PAPPA: variants seen among roughly 807,000 people sequenced by gnomAD.
The protein encoded by PAPPA is pappalysin 1.
In PAPPA, 60 loss-of-function variants were observed where a neutral mutation model predicts 164.0. The observed-to-expected ratio is 0.37, with a 90% CI of 0.30 to 0.45. The LOEUF (loss-of-function observed/expected upper bound fraction) is 0.45, where lower values mean the gene tolerates loss of function less well. PAPPA is among the 20% of genes least tolerant of loss of function. The probability of loss-of-function intolerance (pLI) is 1.00; values close to 1 mark genes in which losing one functional copy is unlikely to be tolerated. For missense variants in PAPPA, 1,782 were observed against 2,087.3 expected (o/e 0.85, Z 2.85); for synonymous variants, 875 against 814.1 (o/e 1.07, Z -1.27).
intron 7 of PAPPA, among the ~76,000 whole-genome samples, chr9:116,246,989 A>T (rs1844804295): frequency 6.6e-6 from 1 of 152,028 alleles, no homozygotes; most frequent in African/African-American, 2.4e-5. Context: ...GTACCACTGC[A>T]CTCCAGCTTG....
chr9:116,171,270 C>G (rs898482957), intron 1 of PAPPA, among the ~76,000 whole-genome samples: 1 of 152,222 alleles, frequency 6.6e-6, no homozygotes, highest in Non-Finnish European at 1.5e-5. Flanking sequence ...TGAGCCTTCA[C>G]ATTCTGTGTA....
At chr9:116,222,162 C>T (rs536803325) in intron 5 of PAPPA, among the ~76,000 whole-genome samples, 12 of 152,266 alleles carry the variant, frequency 7.9e-5, no homozygotes, top group African/African-American at 2.9e-4. Context: ...AAAGAGATTG[C>T]TACACTCCCA....
intron 6 of PAPPA, among the ~76,000 whole-genome samples, chr9:116,234,737 G>T (rs1456738011): frequency 6.6e-6 from 1 of 152,168 alleles, no homozygotes; most frequent in Non-Finnish European, 1.5e-5. Flanking sequence ...ATATTTGGGA[G>T]CCTTAGTTTT....
chr9:116,230,888 A>T (rs1844582893), intron 6 of PAPPA, among the ~76,000 whole-genome samples: 1 of 152,224 alleles, frequency 6.6e-6, no homozygotes, highest in Non-Finnish European at 1.5e-5. Flanking sequence ...ATGCAAGTAT[A>T]AAATAGATCC....
At chr9:116,165,879 T>A (rs1403733247) in intron 1 of PAPPA, among the ~76,000 whole-genome samples, 1 of 152,252 alleles carries the variant, frequency 6.6e-6, no homozygotes, top group Non-Finnish European at 1.5e-5. Flanking sequence ...GTTCCCACTA[T>A]GCTTTCTGCA....
rs74913031 is a variant in PAPPA at position 116,282,464 on chromosome 9, A to G, written c.2953+11048A>G. On this transcript the variant is annotated intron_variant, in intron 9 of 21. Coordinates refer to ENST00000328252, the MANE Select transcript of PAPPA (RefSeq NM_002581.5). Reference sequence around the variant, plus strand: ...CATCTCAGACAAAAGTCATAATAGTATACATAACTCAAATTATTAATTTAA... The same window carrying G: ...CATCTCAGACAAAAGTCATAATAGTGTACATAACTCAAATTATTAATTTAA... 2.7e-3 allele frequency among the ~76,000 whole-genome samples: 416 copies of G among 152,350 alleles called. 1 individual carries two copies. Among genetic ancestry groups the G allele is most frequent in the Non-Finnish European group, 4.9e-3 (332 of 68,040 alleles).
chr9:116,298,936 T>A (rs1564215421), intron 9 of PAPPA, among the ~76,000 whole-genome samples: 2 of 152,190 alleles, frequency 1.3e-5, no homozygotes, highest in African/African-American at 4.8e-5. Context: ...CCAAGTAAAT[T>A]GATGTAATGA....
At chr9:116,364,618 A>G (rs1215943764) in intron 18 of PAPPA, among the ~76,000 whole-genome samples, 1 of 152,216 alleles carries the variant, frequency 6.6e-6, no homozygotes, top group Non-Finnish European at 1.5e-5. Context: ...TTATGTCCCA[A>G]AACATATCAA....
chr9:116,246,703 A>T (rs1180218505), intron 7 of PAPPA, among the ~76,000 whole-genome samples: 1 of 152,182 alleles, frequency 6.6e-6, no homozygotes, highest in East Asian at 1.9e-4. Flanking sequence ...TTTGCTAAAA[A>T]GCAAGGTTAT....
chr9:116,168,063 G>A (rs1843735713), intron 1 of PAPPA, among the ~76,000 whole-genome samples: 2 of 152,170 alleles, frequency 1.3e-5, no homozygotes, highest in Non-Finnish European at 2.9e-5. Flanking sequence ...TTTACAGTGT[G>A]GGGTGATAGT....
In PAPPA at chr9:116,390,706, G is replaced by A. The variant is rs561727219; in HGVS notation, c.4777-5803G>A. Among the ~76,000 whole-genome samples the A allele has an allele frequency of 3.4e-3, 510 of 151,818 alleles. 1 individual carries two copies. Among genetic ancestry groups the A allele is most frequent in the African/African-American group, 0.011 (456 of 41,374 alleles). On this transcript the variant is annotated intron_variant, in intron 21 of 21. Transcript: ENST00000328252. ...AACCCTCTGCCTCCCCCTGCCCCCC[G>A]CTTTGGAATGTAGCCCTGACTTTTT...
In PAPPA at chr9:116,377,205, C is replaced by A. The variant is rs539529795; in HGVS notation, c.4606-371C>A. On this transcript the variant is annotated intron_variant, in intron 19 of 21. Coordinates refer to ENST00000328252, the MANE Select transcript of PAPPA (RefSeq NM_002581.5). ...ACACACACACACATGCAAACACACA[C>A]ATGCGCACACACACACACACCCCTC... is the stretch of plus-strand genomic sequence containing the variant. Among the ~76,000 whole-genome samples the A allele has an allele frequency of 4.9e-4, 73 of 149,420 alleles. 1 individual carries two copies. The highest frequency in any genetic ancestry group is 1.8e-3 in the African/African-American group (71 of 38,946).
chr9:116,334,572 T>C (rs972017966), intron 12 of PAPPA, among the ~76,000 whole-genome samples: 8 of 150,344 alleles, frequency 5.3e-5, no homozygotes, highest in African/African-American at 2.0e-4. Context: ...GGGCCTGGGA[T>C]GCTTGGCTGA....
intron 2 of PAPPA, among the ~76,000 whole-genome samples, chr9:116,191,017 G>T (rs1844035764): frequency 6.6e-6 from 1 of 151,232 alleles, no homozygotes; most frequent in Admixed American, 6.6e-5. Context: ...AACAAAAAAG[G>T]GAGGAAGGGA....
intron 1 of PAPPA, among the ~76,000 whole-genome samples, chr9:116,174,756 C>T (rs1484175291): frequency 6.6e-6 from 1 of 151,854 alleles, no homozygotes; most frequent in Non-Finnish European, 1.5e-5. Context: ...AATAATACAT[C>T]TAAAATAAGG....
At chr9:116,155,759 T>C (rs1843594361) in intron 1 of PAPPA, among the ~76,000 whole-genome samples, 1 of 152,132 alleles carries the variant, frequency 6.6e-6, no homozygotes, top group African/African-American at 2.4e-5. Context: ...CCAGTTGACA[T>C]GAAGACCCCT....
At chr9:116,276,719 A>C (rs1587983152) in intron 9 of PAPPA, among the ~76,000 whole-genome samples, 2 of 148,070 alleles carry the variant, frequency 1.4e-5, no homozygotes, top group African/African-American at 2.5e-5. Flanking sequence ...CTCCCTCCCC[A>C]CTCCTCTTCT....
intron 21 of PAPPA, among the ~76,000 whole-genome samples, chr9:116,391,103 C>T (rs1300357137): frequency 6.6e-6 from 1 of 152,164 alleles, no homozygotes; most frequent in Non-Finnish European, 1.5e-5. Flanking sequence ...TTTTTCTCCT[C>T]TAGGCCAGTG....
chr9:116,208,844 G>A (rs559126094), intron 3 of PAPPA, among the ~76,000 whole-genome samples: 33 of 152,180 alleles, frequency 2.2e-4, no homozygotes, highest in African/African-American at 6.0e-4. Context: ...GTGTGTGTGC[G>A]TGTGTGTGCA....
Sources: allele counts gnomAD v4.1 joint callset (sites outside exome capture counted in the v4.1 genomes callset), GRCh38; gene constraint gnomAD v4.1.1; transcripts MANE v1.5; gene names NCBI Gene and HGNC (gene_info 2026-07-23, HGNC 2026-07-21).